PCDH17: variants seen among roughly 807,000 people sequenced by gnomAD.
PCDH17 encodes the protein protocadherin 17, also known as protocadherin-17.
In PCDH17, 21 loss-of-function variants were observed where a neutral mutation model predicts 67.7. The observed-to-expected ratio is 0.31, with a 90% CI of 0.22 to 0.45. The LOEUF (loss-of-function observed/expected upper bound fraction) is 0.45. PCDH17 is among the 20% of genes least tolerant of loss of function. The pLI is 1.00. For missense variants in PCDH17, 1,471 were observed against 1,564.8 expected (o/e 0.94, Z 1.01); for synonymous variants, 701 against 656.7 (o/e 1.07, Z -1.03).
intron 1 of PCDH17, among the ~76,000 whole-genome samples, chr13:57,638,626 G>A (rs1233753990): frequency 3.3e-5 from 5 of 152,008 alleles, no homozygotes; most frequent in African/African-American, 9.7e-5. Flanking sequence ...GAGTCTTTAT[G>A]CTAGGAAGAT....
At position 57,666,556 on chromosome 13, in the gene PCDH17, T is replaced by C. The variant is rs1187605352; in HGVS notation, c.2624+30T>C. 3 of 1,611,324 alleles carry C rather than the reference T, an allele frequency of 1.9e-6. No homozygotes were observed. The Admixed American group carries it at 5.0e-5, about 27-fold the overall frequency. On this transcript the variant is annotated intron_variant, in intron 2 of 3. Coordinates refer to ENST00000377918, the MANE Select transcript of PCDH17 (RefSeq NM_001040429.3). ...GGCCTATTAAATAACTTTTCTCAGC[T>C]TCCCCATTTGCATTCGTGTCAAAAT...
At position 57,695,667 on chromosome 13, in the gene PCDH17, G is replaced by T. The variant is rs374138107; in HGVS notation, c.2797+28834G>T. On this transcript the variant is annotated intron_variant, in intron 3 of 3. Coordinates refer to ENST00000377918, the MANE Select transcript of PCDH17 (RefSeq NM_001040429.3). ...TTTTCTGAAGAAACATCAAATTAGG[G>T]ATGGAAAACTGGGGCCAAATTTAAA... 3.3e-5 allele frequency among the ~76,000 whole-genome samples: 5 copies of T among 151,268 alleles called. No homozygotes were observed. In the South Asian group the frequency reaches 8.3e-4, roughly 25 times the overall value.
At chr13:57,694,373 A>G (rs754221114) in intron 3 of PCDH17, among the ~76,000 whole-genome samples, 1 of 151,232 alleles carries the variant, frequency 6.6e-6, no homozygotes, top group Non-Finnish European at 1.5e-5. Flanking sequence ...TTAGAATCCA[A>G]TGAGCAATGA....
At chr13:57,669,575 A>G (rs1483355660) in intron 3 of PCDH17, among the ~76,000 whole-genome samples, 11 of 152,040 alleles carry the variant, frequency 7.2e-5, no homozygotes. Context: ...TTAGAGGAGG[A>G]GACTACAATT....
intron 3 of PCDH17, among the ~76,000 whole-genome samples, chr13:57,672,114 TG>T (rs1955330068): frequency 6.6e-6 from 1 of 152,072 alleles, no homozygotes; most frequent in Admixed American, 6.6e-5. Context: ...TTAAAATCCA[TG>T]AAAAGTTGCC....
chr13:57,701,259 A>G (rs1298817326), intron 3 of PCDH17, among the ~76,000 whole-genome samples: 3 of 152,044 alleles, frequency 2.0e-5, no homozygotes, highest in African/African-American at 7.3e-5. Flanking sequence ...GCTACTTTGT[A>G]TCTCCCCCGT....
At chr13:57,648,954 G>A (rs1291061725) in intron 1 of PCDH17, among the ~76,000 whole-genome samples, 2 of 152,024 alleles carry the variant, frequency 1.3e-5, no homozygotes, top group Admixed American at 1.3e-4. Flanking sequence ...AAAACTGTGT[G>A]TCTAATATAG....
At chr13:57,691,462 G>A (rs9597588) in intron 3 of PCDH17, among the ~76,000 whole-genome samples, 125,765 of 151,012 alleles carry the variant, frequency 0.83, 52,788 homozygotes, top group African/African-American at 0.94. Context: ...AATCATGGAG[G>A]AGACCAAAAA....
At chr13:57,719,905 A>G (rs1290296569) in intron 3 of PCDH17, among the ~76,000 whole-genome samples, 2 of 152,022 alleles carry the variant, frequency 1.3e-5, no homozygotes, top group Non-Finnish European at 2.9e-5. Context: ...TCAACTTTCT[A>G]TCTTATAAAT....
intron 1 of PCDH17, among the ~76,000 whole-genome samples, chr13:57,660,436 A>T (rs1203750979): frequency 6.6e-6 from 1 of 152,156 alleles, no homozygotes; most frequent in East Asian, 1.9e-4. Context: ...TGAGAATATT[A>T]AAAAAATAAC....
In PCDH17 at chr13:57,633,920, C is replaced by G. The variant is rs889733374; in HGVS notation, c.1374C>G (p.Phe458Leu). ...GSPPLNSTKSFAIKILDENDN... is the reference protein window; with the variant it reads ...GSPPLNSTKSLAIKILDENDN... ...CTCCCCTCAACTCCACCAAGTCGTT[C>G]GCGATCAAGATTCTAGACGAGAACG... The change falls in exon 1 of 4, where the codon TTC (phenylalanine) becomes TTG (leucine). Residue 458 changes from phenylalanine to leucine, a missense_variant. Around this residue, in one of 3 missense-constraint regions of PCDH17, gnomAD observed 1,163 missense variants for 1,230.0 expected, o/e 0.95. Transcript: ENST00000377918. The surrounding 1 kb of genome is among the most constrained non-coding windows in gnomAD (Gnocchi z 6.2). The G allele has an allele frequency of 6.2e-7, 1 of 1,613,376 alleles. No homozygotes were observed.
At chr13:57,657,854 T>C (rs1334002531) in intron 1 of PCDH17, among the ~76,000 whole-genome samples, 1 of 152,220 alleles carries the variant, frequency 6.6e-6, no homozygotes, top group Non-Finnish European at 1.5e-5. Context: ...ACACCATATC[T>C]AGAATCATTT....
chr13:57,630,793 A>T (rs765807402), upstream of PCDH17, among the ~76,000 whole-genome samples: 1 of 152,162 alleles, frequency 6.6e-6, no homozygotes, highest in Non-Finnish European at 1.5e-5. Context: ...GCCGCAACTA[A>T]TGTCTGTGAA....
chr13:57,640,922 G>C (rs1207219049), intron 1 of PCDH17, among the ~76,000 whole-genome samples: 1 of 152,012 alleles, frequency 6.6e-6, no homozygotes, highest in Non-Finnish European at 1.5e-5. Context: ...CATTGCACTA[G>C]AATGTATTCC....
intron 3 of PCDH17, among the ~76,000 whole-genome samples, chr13:57,710,119 A>G (rs1688967492): frequency 6.6e-6 from 1 of 151,908 alleles, no homozygotes; most frequent in South Asian, 2.1e-4. Flanking sequence ...TGGAATGGAA[A>G]GTGGGCTGTA....
chr13:57,674,465 G>GAC (rs1324190328), intron 3 of PCDH17, among the ~76,000 whole-genome samples: 3 of 151,750 alleles, frequency 2.0e-5, no homozygotes, highest in Admixed American at 1.3e-4. Flanking sequence ...TAGGACTACA[G>GAC]ACACACACAC....
At chr13:57,685,191 G>A (rs1217645682) in intron 3 of PCDH17, among the ~76,000 whole-genome samples, 1 of 151,868 alleles carries the variant, frequency 6.6e-6, no homozygotes, top group Non-Finnish European at 1.5e-5. Flanking sequence ...TAATTTACTT[G>A]AGGGAGACTA....
intron 1 of PCDH17, among the ~76,000 whole-genome samples, chr13:57,640,008 G>C (rs1226779726): frequency 1.3e-5 from 2 of 151,882 alleles, no homozygotes; most frequent in Non-Finnish European, 2.9e-5. Flanking sequence ...CAAGTGCATA[G>C]ATGCAGATTT....
In PCDH17 at chr13:57,727,458, A is replaced by T. The variant is rs547758413; in HGVS notation, c.*2164A>T. On this transcript the variant is annotated 3_prime_UTR_variant, in exon 4 of 4. Coordinates refer to ENST00000377918, the MANE Select transcript of PCDH17 (RefSeq NM_001040429.3). ...AACTTTAAAAACTTCTACTGAAAAT[A>T]TTTCCGCCAAATGCCATCAATATTT... 2.0e-5 allele frequency: 3 copies of T among 152,234 alleles called. No individual in the cohort carries two copies. The highest frequency in any genetic ancestry group is 1.3e-4 in the Admixed American group (2 of 15,270). The allele number at this position is 152,234 out of a possible 1,614,324, so 9.4% of individuals were successfully genotyped here.
Sources: allele counts gnomAD v4.1 joint callset (sites outside exome capture counted in the v4.1 genomes callset), GRCh38; gene constraint gnomAD v4.1.1; regional missense constraint gnomAD v4.1.1; non-coding constraint Gnocchi (gnomAD v3.1); transcripts MANE v1.5; gene names NCBI Gene and HGNC (gene_info 2026-07-23, HGNC 2026-07-21).